POMGNT1: variants seen among roughly 807,000 people sequenced by gnomAD.
POMGNT1 encodes the protein protein O-linked-mannose beta-1,2-N-acetylglucosaminyltransferase 1.
In POMGNT1, 67 loss-of-function variants were observed where a neutral mutation model predicts 95.6. That is an observed-to-expected ratio of 0.70 (90% CI 0.58 to 0.86). POMGNT1 has a LOEUF of 0.86. POMGNT1 is among the 40% of genes least tolerant of loss of function. POMGNT1 has a pLI of 0.00. For synonymous variants in POMGNT1, 298 were observed against 317.9 expected, an observed-to-expected ratio of 0.94 and a Z score of 0.66; for missense variants, 719 against 855.2, an observed-to-expected ratio of 0.84 and a Z score of 1.99.
intron 1 of POMGNT1, among the ~76,000 whole-genome samples, chr1:46,206,075 A>C (rs1658705995): frequency 6.6e-6 from 1 of 152,270 alleles, no homozygotes; most frequent in Non-Finnish European, 1.5e-5. Context: ...AATGGGAAAC[A>C]GTGGCAACTT....
Position 46,197,832 on chromosome 1 carries a change from CG to C in POMGNT1, c.-12del. On this transcript the variant is annotated 5_prime_UTR_variant, in exon 2 of 22. Transcript: ENST00000371984. ...CTTCCAGTCGTCCATACCGGATTGGCGGGTCACCAATGTCCTGGCCAGCCCA... is the reference window on the plus strand; with the variant it reads ...CTTCCAGTCGTCCATACCGGATTGGCGGTCACCAATGTCCTGGCCAGCCCA... The C allele has an allele frequency of 6.2e-7, 1 of 1,613,712 alleles. No individual in the cohort carries two copies. The highest frequency in any genetic ancestry group is 8.5e-7 in the Non-Finnish European group (1 of 1,180,000).
rs917604769 is a variant in POMGNT1, at chr1:46,219,751, A to G, written c.-97T>C. ...ATCCTGCAGCAGCTGGTGACCTTGA[A>G]TGAGGGCATCGAGGCAGTGCGCTGG... On this transcript the variant is annotated 5_prime_UTR_variant, in exon 1 of 23. Coordinates refer to the POMGNT1 transcript ENST00000371992. The G allele has an allele frequency of 3.1e-6, 5 of 1,612,366 alleles. No homozygotes were observed. Among genetic ancestry groups the G allele is most frequent in the African/African-American group, 2.7e-5 (2 of 74,930 alleles).
At chr1:46,199,091 G>A (rs975200314), upstream of POMGNT1, among the ~76,000 whole-genome samples, 2 of 152,062 alleles carry the variant, frequency 1.3e-5, no homozygotes, top group African/African-American at 4.8e-5. Flanking sequence ...ACGGTCGTGC[G>A]CCACCACACC....
intron 17 of POMGNT1, chr1:46,191,372 C>T (rs910603782): frequency 2.1e-5 from 4 of 188,714 alleles, no homozygotes; most frequent in African/African-American, 7.1e-5. Context: ...GGTGGGTTGG[C>T]GGTACCTAAG....
chr1:46,215,691 G>C (rs1250794928), intron 1 of POMGNT1, among the ~76,000 whole-genome samples: 1 of 152,306 alleles, frequency 6.6e-6, no homozygotes, highest in Admixed American at 6.5e-5. Flanking sequence ...TTGAGCTCAG[G>C]AGTTTGAGAC....
exon 1 of POMGNT1, chr1:46,219,731 G>A: frequency 6.2e-7 from 1 of 1,606,386 alleles, no homozygotes; most frequent in South Asian, 1.1e-5. Context: ...TGAAGATCCT[G>A]CAGCAGCTGG....
chr1:46,216,581 A>C lies in POMGNT1; in HGVS notation c.-51+3124T>G, dbSNP rs145160452. ...GATCTCAAACTCCTAGACTCAAGTGATCCTCCTCTCTTGGCCTCTCCAAGT... is the reference window on the plus strand; with the variant it reads ...GATCTCAAACTCCTAGACTCAAGTGCTCCTCCTCTCTTGGCCTCTCCAAGT... On this transcript the variant is annotated intron_variant, in intron 1 of 22. Transcript: ENST00000371992. 4.1e-3 allele frequency among the ~76,000 whole-genome samples: 627 copies of C among 152,162 alleles called. 7 individuals are homozygous for C. Among genetic ancestry groups the C allele is most frequent in the African/African-American group, 0.014 (589 of 41,500 alleles).
rs913659107 is a variant in POMGNT1 at position 46,196,194 on chromosome 1, T to A, written c.355-117A>T. 15 of 1,562,566 alleles carry A rather than the reference T, an allele frequency of 9.6e-6. No homozygotes were observed. Among genetic ancestry groups the A allele is most frequent in the Non-Finnish European group, 1.3e-5 (15 of 1,157,722 alleles). ...CATCACCTCCTGCCTATGTTTCTGT[T>A]CACACAGTTCTTTTCCAACTCAGCT... On this transcript the variant is annotated intron_variant, in intron 4 of 21. Transcript: ENST00000371984. The surrounding 1 kb of genome is among the most constrained non-coding windows in gnomAD (Gnocchi z 4.4).
chr1:46,192,564 A>T lies in POMGNT1; in HGVS notation c.1238T>A (p.Leu413Gln). The T allele has an allele frequency of 6.2e-7, 1 of 1,614,150 alleles. No homozygotes were observed. The highest frequency in any genetic ancestry group is 8.5e-7 in the Non-Finnish European group (1 of 1,180,020). ...FSFLSQSIHL[L>Q]EEDDSLYCIS... ...GCAGTACAGGCTGTCATCCTCCTCC[A>T]GTAGGTGGATGGATTGGCTCAGGAA... Residue 413 changes from leucine (L) to glutamine (Q), a missense_variant, in exon 15 of 22, where the codon CTG becomes CAG. By Grantham distance (113) the Leu-to-Gln change is moderately radical. Transcript: ENST00000371984.
At chr1:46,210,301 C>T (rs1240267080) in intron 1 of POMGNT1, among the ~76,000 whole-genome samples, 6 of 151,976 alleles carry the variant, frequency 3.9e-5, no homozygotes, top group Non-Finnish European at 8.8e-5. Context: ...TCACTTAATG[C>T]AACACAACAA....
chr1:46,195,783 G>A (rs751130644), intron 6 of POMGNT1, 28 bp downstream of exon 6: 14 of 1,552,280 alleles, frequency 9.0e-6, no homozygotes, highest in Non-Finnish European at 1.1e-5. Flanking sequence ...TAGGGAGTAG[G>A]GGTCAGGGTC....
chr1:46,194,225 G>A, intron 9 of POMGNT1, 49 bp downstream of exon 9: 7 of 1,614,010 alleles, frequency 4.3e-6, no homozygotes, highest in South Asian at 1.1e-5. Context: ...GGGCCCCCCT[G>A]CTGAGCTGGG....
Position 46,196,621 on chromosome 1 carries a change from G to C in POMGNT1, c.354+110C>G, listed in dbSNP as rs1658258193. 3 of 1,597,236 alleles carry C rather than the reference G, an allele frequency of 1.9e-6. No individual in the cohort carries two copies. The highest frequency in any genetic ancestry group is 2.6e-6 in the Non-Finnish European group (3 of 1,175,338). On this transcript the variant is annotated intron_variant, in intron 4 of 21. Coordinates refer to ENST00000371984, the MANE Select transcript of POMGNT1 (RefSeq NM_017739.4). The surrounding 1 kb of genome is among the most constrained non-coding windows in gnomAD (Gnocchi z 4.4). ...GAATCGAGGACTCCAAAGTCACACA[G>C]CTAGAAACTGGCAGAGTTGCAGTTC...
At chr1:46,202,418 C>T (rs538078482), upstream of POMGNT1, among the ~76,000 whole-genome samples, 39 of 152,080 alleles carry the variant, frequency 2.6e-4, no homozygotes, top group East Asian at 5.4e-3. Flanking sequence ...CTTGGCTGGG[C>T]GCAGTGGCTC....
At chr1:46,217,697 AAAT>A (rs1659109729) in intron 1 of POMGNT1, among the ~76,000 whole-genome samples, 1 of 152,100 alleles carries the variant, frequency 6.6e-6, no homozygotes, top group Admixed American at 6.6e-5. Context: ...TCTCTACTAA[AAAT>A]ACAAAAATTA....
intron 1 of POMGNT1, among the ~76,000 whole-genome samples, chr1:46,207,568 T>C (rs1658758223): frequency 6.6e-6 from 1 of 151,100 alleles, no homozygotes; most frequent in African/African-American, 2.4e-5. Flanking sequence ...AGATGGAGTC[T>C]CGCTCTGTCG....
At position 46,188,758 on chromosome 1, in the gene POMGNT1, AG is replaced by A; in HGVS notation, c.*511del. The A allele has an allele frequency of 6.2e-7, 1 of 1,612,554 alleles. No homozygotes were observed. The highest frequency in any genetic ancestry group is 8.5e-7 in the Non-Finnish European group (1 of 1,179,664). ...AAATCTGGACAAAGAGAAGGCTGAG[AG>A]GAGGCCTGGTCCAGTGTCTAAGGGT... On this transcript the variant is annotated 3_prime_UTR_variant, in exon 22 of 22. Transcript: ENST00000371984.
At chr1:46,195,705 C>G in intron 6 of POMGNT1, 106 bp downstream of exon 6, 1 of 1,059,990 alleles carries the variant, frequency 9.4e-7, no homozygotes, top group South Asian at 1.4e-5. Flanking sequence ...AGTAACCTTC[C>G]TTCAGAGAAT....
In POMGNT1 at chr1:46,196,629, C is replaced by A; in HGVS notation, c.354+102G>T. 1 of 1,602,714 alleles carries A rather than the reference C, an allele frequency of 6.2e-7. No individual in the cohort carries two copies. On this transcript the variant is annotated intron_variant, in intron 4 of 21. Transcript: ENST00000371984. The surrounding 1 kb of genome is among the most constrained non-coding windows in gnomAD (Gnocchi z 4.4). Reference sequence around the variant, plus strand: ...GACTCCAAAGTCACACAGCTAGAAACTGGCAGAGTTGCAGTTCCCACTTAG... The same window carrying A: ...GACTCCAAAGTCACACAGCTAGAAAATGGCAGAGTTGCAGTTCCCACTTAG...
Sources: allele counts gnomAD v4.1 joint callset (sites outside exome capture counted in the v4.1 genomes callset), GRCh38; gene constraint gnomAD v4.1.1; non-coding constraint Gnocchi (gnomAD v3.1); transcripts MANE v1.5; gene names NCBI Gene and HGNC (gene_info 2026-07-23, HGNC 2026-07-21).